The following CALN1 variants were observed in gnomAD, a reference collection of about 807,000 sequenced individuals.
CALN1 encodes the protein calcium-binding protein 8.
In CALN1, 17 loss-of-function variants were observed where a neutral mutation model predicts 30.6. The ratio of observed to expected loss-of-function variants is 0.56; its 90% CI spans 0.38 to 0.83. The LOEUF is 0.83. CALN1 is among the 40% of genes least tolerant of loss of function. The pLI is 0.00. For synonymous variants in CALN1, 156 were observed against 131.4 expected (o/e 1.19, Z -1.28); for missense variants, 291 against 354.9 (o/e 0.82, Z 1.45).
chr7:72,497,477 T>A, the CALN1 span, among the ~76,000 whole-genome samples: 1 of 152,122 alleles, frequency 6.6e-6, no homozygotes, highest in African/African-American at 2.4e-5. Flanking sequence ...AACTTTAGAG[T>A]TAAAATCTCA....
upstream of CALN1, among the ~76,000 whole-genome samples, chr7:72,412,591 G>A (rs546759329): frequency 1.3e-5 from 2 of 152,106 alleles, no homozygotes; most frequent in Non-Finnish European, 2.9e-5. Flanking sequence ...AGTCCCCACT[G>A]ACCCAGAAGC....
At chr7:72,305,972 C>G (rs1305481586) in intron 2 of CALN1, among the ~76,000 whole-genome samples, 1 of 152,122 alleles carries the variant, frequency 6.6e-6, no homozygotes, top group Non-Finnish European at 1.5e-5. Flanking sequence ...GACCCACCCT[C>G]AAGACATCAT....
At chr7:72,189,856 A>C (rs1790478864) in intron 3 of CALN1, among the ~76,000 whole-genome samples, 1 of 152,034 alleles carries the variant, frequency 6.6e-6, no homozygotes, top group Non-Finnish European at 1.5e-5. Context: ...ATGCTAATGA[A>C]TTCCTTCCTA....
chr7:72,206,380 T>G (rs987455445), intron 3 of CALN1, among the ~76,000 whole-genome samples: 4 of 152,192 alleles, frequency 2.6e-5, no homozygotes, highest in African/African-American at 4.8e-5. Flanking sequence ...TTCTAGAGCT[T>G]CTCTCAAACT....
intron 2 of CALN1, among the ~76,000 whole-genome samples, chr7:72,349,632 A>G (rs893326033): frequency 3.3e-5 from 5 of 152,162 alleles, no homozygotes; most frequent in African/African-American, 1.2e-4. Flanking sequence ...ATTGAAAACA[A>G]AAACAAAAAT....
chr7:72,040,928 G>C (rs897319963), intron 4 of CALN1, among the ~76,000 whole-genome samples: 1 of 152,172 alleles, frequency 6.6e-6, no homozygotes, highest in Non-Finnish European at 1.5e-5. Flanking sequence ...CCAGGTCTGT[G>C]GTATCTTGGT....
In CALN1 at chr7:72,271,575, A is replaced by AAATATATATAT; in HGVS notation, c.244+7110_244+7111insATATATATATT. ...CTGTGCCTGCCTTTTAAAAAAAAAA[A>AAATATATATAT]ATATATATATATATATATAGTTTTC... On this transcript the variant is annotated intron_variant, in intron 3 of 6. Transcript: ENST00000395275. Among the ~76,000 whole-genome samples, 64 of 52,128 alleles carry AAATATATATAT rather than the reference A, an allele frequency of 1.2e-3. 2 individuals are homozygous for AAATATATATAT. In the East Asian group the frequency reaches 0.037, roughly 30 times the overall value. The allele number at this position is 52,128 out of a possible 152,430, so 34.2% of individuals were successfully genotyped here. A position where few individuals can be genotyped will look rare whatever the true frequency, so the allele number is the denominator to read the frequency against.
At chr7:71,935,734 CA>C (rs949560181) in intron 5 of CALN1, among the ~76,000 whole-genome samples, 2 of 151,922 alleles carry the variant, frequency 1.3e-5, no homozygotes, top group Non-Finnish European at 2.9e-5. Flanking sequence ...AAAACAGAAA[CA>C]AAAAACAAAA....
intron 5 of CALN1, among the ~76,000 whole-genome samples, chr7:71,884,836 A>G (rs565394029): frequency 1.6e-4 from 25 of 152,172 alleles, no homozygotes; most frequent in Non-Finnish European, 3.2e-4. Flanking sequence ...GAAAATCTGC[A>G]TCTATAATAA....
chr7:72,411,510 A>T (rs1807145123), intron 1 of CALN1, among the ~76,000 whole-genome samples: 1 of 152,202 alleles, frequency 6.6e-6, no homozygotes, highest in African/African-American at 2.4e-5. Flanking sequence ...TTTTGTCTTT[A>T]AAAAAATATG....
intron 4 of CALN1, among the ~76,000 whole-genome samples, chr7:72,099,122 C>A (rs967981956): frequency 3.9e-5 from 6 of 152,176 alleles, no homozygotes; most frequent in Non-Finnish European, 5.9e-5. Context: ...AGAAAGAAGA[C>A]TGGTGTGTGG....
chr7:72,109,124 G>C (rs186192476), intron 3 of CALN1, among the ~76,000 whole-genome samples: 23 of 152,284 alleles, frequency 1.5e-4, no homozygotes, highest in Non-Finnish European at 1.5e-5. Flanking sequence ...AGCTGTTCAA[G>C]GGATGATGAG....
intron 2 of CALN1, among the ~76,000 whole-genome samples, chr7:72,392,477 A>G (rs1805637679): frequency 6.6e-6 from 1 of 152,152 alleles, no homozygotes; most frequent in Non-Finnish European, 1.5e-5. Flanking sequence ...GGAGAGACTG[A>G]GGAAGGGGCA....
chr7:72,412,023 C>G (rs921842196), intron 1 of CALN1, 35 bp downstream of exon 1: 1 of 152,196 alleles, frequency 6.6e-6, no homozygotes, highest in Non-Finnish European at 1.5e-5. Flanking sequence ...CTGCATGCAG[C>G]TGAGCCCACC....
intron 2 of CALN1, among the ~76,000 whole-genome samples, chr7:72,379,783 A>G (rs943159089): frequency 6.6e-6 from 1 of 152,202 alleles, no homozygotes; most frequent in Admixed American, 6.5e-5. Flanking sequence ...ACCCCTAAGC[A>G]GCTGTGTAGC....
intron 1 of CALN1, among the ~76,000 whole-genome samples, chr7:72,420,724 CG>C (rs576180527): frequency 6.6e-6 from 1 of 151,038 alleles, no homozygotes; most frequent in African/African-American, 2.4e-5. Flanking sequence ...CCCGGGTTCA[CG>C]CCATTCTCCT....
At chr7:72,408,960 G>A (rs1006572681) in intron 1 of CALN1, among the ~76,000 whole-genome samples, 2 of 151,270 alleles carry the variant, frequency 1.3e-5, no homozygotes, top group Non-Finnish European at 2.9e-5. Flanking sequence ...TTGCAGGTGT[G>A]AGCCACCACA....
At chr7:71,885,953 T>C (rs17137582) in intron 5 of CALN1, among the ~76,000 whole-genome samples, 19,237 of 152,266 alleles carry the variant, frequency 0.13, 1,805 homozygotes, top group East Asian at 0.43. Context: ...AGGACCATCC[T>C]GGCTGCCAGT....
chr7:72,313,709 TTTA>T (rs200830224), intron 2 of CALN1, among the ~76,000 whole-genome samples: 1 of 114,734 alleles, frequency 8.7e-6, no homozygotes, highest in Non-Finnish European at 2.1e-5. Context: ...GATTAAAAAA[TTTA>T]ATGATGGGAC....
Sources: allele counts gnomAD v4.1 joint callset (sites outside exome capture counted in the v4.1 genomes callset), GRCh38; gene constraint gnomAD v4.1.1; transcripts MANE v1.5; gene names NCBI Gene and HGNC (gene_info 2026-07-23, HGNC 2026-07-21).